The following LYPLAL1 variants were observed in gnomAD, a reference collection of about 807,000 sequenced individuals.
LYPLAL1 encodes lysophospholipase like 1, also known as lysophospholipase-like protein 1.
LYPLAL1 carries 23 observed loss-of-function variants against 19.7 expected under a neutral mutation model. The ratio of observed to expected loss-of-function variants is 1.17; its 90% CI spans 0.84 to 1.65. The LOEUF (loss-of-function observed/expected upper bound fraction) is 1.65. LYPLAL1 is among the 40% of genes most tolerant of loss of function. The pLI is 0.00. For synonymous variants in LYPLAL1, 119 were observed against 96.3 expected, an observed-to-expected ratio of 1.24 and a Z score of -1.38; for missense variants, 355 against 279.4, an observed-to-expected ratio of 1.27 and a Z score of -1.93.
chr1:219,283,292 C>T, the LYPLAL1 span, among the ~76,000 whole-genome samples: 1 of 152,044 alleles, frequency 6.6e-6, no homozygotes, highest in African/African-American at 2.4e-5. Flanking sequence ...AAAAGAAAAT[C>T]CGGGTGTAAC....
At chr1:219,217,407 T>A (rs905903638), downstream of LYPLAL1, among the ~76,000 whole-genome samples, 17 of 116,156 alleles carry the variant, frequency 1.5e-4, no homozygotes, top group African/African-American at 5.1e-4. Context: ...TGTGTGTGTG[T>A]GAGAGATGGT....
chr1:219,312,472 G>T, the LYPLAL1 span, among the ~76,000 whole-genome samples: 1 of 152,076 alleles, frequency 6.6e-6, no homozygotes, highest in Non-Finnish European at 1.5e-5. Flanking sequence ...TGTGTCCAAT[G>T]AGCAGCTGCA....
chr1:219,277,442 CTG>C, the LYPLAL1 span, among the ~76,000 whole-genome samples: 1 of 152,030 alleles, frequency 6.6e-6, no homozygotes, highest in East Asian at 1.9e-4. Context: ...GAGAGAGACA[CTG>C]TGGGTTTAGA....
the LYPLAL1 span, among the ~76,000 whole-genome samples, chr1:219,393,873 A>G: frequency 6.6e-6 from 1 of 151,718 alleles, no homozygotes; most frequent in Non-Finnish European, 1.5e-5. Context: ...TAAAAAGACT[A>G]AAGATATTTG....
At chr1:219,327,977 A>G in the LYPLAL1 span, among the ~76,000 whole-genome samples, 1 of 152,176 alleles carries the variant, frequency 6.6e-6, no homozygotes, top group Admixed American at 6.5e-5. Context: ...GGACTAATAC[A>G]TAGGAAAATT....
the LYPLAL1 span, among the ~76,000 whole-genome samples, chr1:219,403,504 A>G: frequency 1.3e-5 from 2 of 152,302 alleles, no homozygotes; most frequent in African/African-American, 4.8e-5. Context: ...GGAGTAAACA[A>G]TCTATGTAAA....
intron 3 of LYPLAL1, among the ~76,000 whole-genome samples, chr1:219,209,387 A>G (rs1317404038): frequency 2.6e-5 from 4 of 152,122 alleles, no homozygotes; most frequent in African/African-American, 9.6e-5. Flanking sequence ...TAGAAAGTAT[A>G]TTAAACTCTA....
the LYPLAL1 span, among the ~76,000 whole-genome samples, chr1:219,419,268 C>G: frequency 3.7e-4 from 57 of 152,250 alleles, 1 homozygote; most frequent in African/African-American, 1.3e-3. Flanking sequence ...GATTTTAAAA[C>G]TGGCAGAAAG....
chr1:219,266,602 C>G, the LYPLAL1 span, among the ~76,000 whole-genome samples: 1 of 152,014 alleles, frequency 6.6e-6, no homozygotes, highest in South Asian at 2.1e-4. Context: ...GTATTATCAT[C>G]AAATATTACA....
the LYPLAL1 span, among the ~76,000 whole-genome samples, chr1:219,338,704 G>A: frequency 6.6e-6 from 1 of 151,642 alleles, no homozygotes; most frequent in African/African-American, 2.4e-5. Flanking sequence ...CTTCATCTCA[G>A]TAAATTCTAC....
At chr1:219,426,888 C>T in the LYPLAL1 span, among the ~76,000 whole-genome samples, 9 of 152,264 alleles carry the variant, frequency 5.9e-5, no homozygotes, top group South Asian at 1.0e-3. Flanking sequence ...CGTGAGCCAC[C>T]ACGCCAGCCC....
chr1:219,260,276 A>G, the LYPLAL1 span, among the ~76,000 whole-genome samples: 1 of 151,890 alleles, frequency 6.6e-6, no homozygotes, highest in African/African-American at 2.4e-5. Flanking sequence ...GAAGTCATAT[A>G]ATTAAAACTG....
At chr1:219,391,888 T>C in the LYPLAL1 span, among the ~76,000 whole-genome samples, 19 of 152,322 alleles carry the variant, frequency 1.2e-4, no homozygotes, top group Admixed American at 5.2e-4. Flanking sequence ...TCTGCACCTC[T>C]TTCCTTTTGA....
intron 3 of LYPLAL1, among the ~76,000 whole-genome samples, chr1:219,196,292 A>C (rs964569847): frequency 1.6e-4 from 24 of 152,268 alleles, no homozygotes; most frequent in African/African-American, 5.8e-4. Context: ...CATTTTCATC[A>C]ACAGTGTAAA....
chr1:219,327,259 G>T, the LYPLAL1 span, among the ~76,000 whole-genome samples: 1 of 152,126 alleles, frequency 6.6e-6, no homozygotes, highest in Admixed American at 6.6e-5. Context: ...GTGGAGAGCT[G>T]CAGAAAAGCT....
At chr1:219,198,384 G>T (rs1016554087) in intron 3 of LYPLAL1, among the ~76,000 whole-genome samples, 26 of 151,744 alleles carry the variant, frequency 1.7e-4, no homozygotes, top group African/African-American at 5.8e-4. Flanking sequence ...GTTTTCATGG[G>T]TGATATAAAA....
the LYPLAL1 span, among the ~76,000 whole-genome samples, chr1:219,335,431 T>A: frequency 6.6e-6 from 1 of 151,880 alleles, no homozygotes; most frequent in Non-Finnish European, 1.5e-5. Context: ...CTGGGGTATA[T>A]CTTCACATAC....
chr1:219,199,467 C>G (rs1267952668), intron 3 of LYPLAL1, among the ~76,000 whole-genome samples: 1 of 151,054 alleles, frequency 6.6e-6, no homozygotes, highest in Non-Finnish European at 1.5e-5. Context: ...GAGACAGAGT[C>G]TCGCTCTGTG....
At chr1:219,315,804 G>A in the LYPLAL1 span, among the ~76,000 whole-genome samples, 1 of 152,128 alleles carries the variant, frequency 6.6e-6, no homozygotes, top group Non-Finnish European at 1.5e-5. Flanking sequence ...TTAGAAATAA[G>A]TACATTTAAA....
Sources: allele counts gnomAD v4.1 joint callset (sites outside exome capture counted in the v4.1 genomes callset), GRCh38; gene constraint gnomAD v4.1.1; transcripts MANE v1.5; gene names NCBI Gene and HGNC (gene_info 2026-07-23, HGNC 2026-07-21).